USP9X: variants seen among roughly 807,000 people sequenced by gnomAD.
The protein encoded by USP9X is ubiquitin specific peptidase 9 X-linked.
USP9X carries 7 observed loss-of-function variants against 190.3 expected under a neutral mutation model. That is an observed-to-expected ratio of 0.04 (90% confidence interval 0.02 to 0.07). The LOEUF is 0.07. USP9X is among the 10% of genes least tolerant of loss of function. USP9X has a pLI of 1.00. For synonymous variants in USP9X, 645 were observed against 659.5 expected (o/e 0.98, Z 0.34); for missense variants, 1,010 against 1,916.9 (o/e 0.53, Z 8.83).
At chrX:41,178,506 T>C (rs1419683888) in intron 21 of USP9X, among the ~76,000 whole-genome samples, 1 of 111,660 alleles carries the variant, frequency 9.0e-6, no homozygotes, top group Non-Finnish European at 1.9e-5. Context: ...TTCATGTACA[T>C]GTTGGCCATT....
rs912565063 is a variant in USP9X at position 41,116,678 on chromosome X, G to A, written c.-158-6793G>A. Among the ~76,000 whole-genome samples, 6 of 112,310 alleles carry A rather than the reference G, an allele frequency of 5.3e-5. No individual in the cohort carries two copies. The East Asian group carries it at 1.7e-3, about 31-fold the overall frequency. On this transcript the variant is annotated intron_variant, in intron 1 of 44. Coordinates refer to ENST00000378308, the MANE Select transcript of USP9X (RefSeq NM_001039591.3). ...CTGAAATATTTAGGAACTCTGCACAGTACATTGTAGAAAGGGAAAAGAAAA... is the reference window on the plus strand; with the variant it reads ...CTGAAATATTTAGGAACTCTGCACAATACATTGTAGAAAGGGAAAAGAAAA...
rs752308135 is a variant in USP9X, at chrX:41,123,670, C to T, written c.42C>T (p.Asp14=). The T allele has an allele frequency of 4.9e-5, 59 of 1,210,128 alleles. No individual in the cohort carries two copies. Among genetic ancestry groups the T allele is most frequent in the Non-Finnish European group, 6.1e-5 (55 of 895,236 alleles). The part of the protein sequence containing the change: ...TTRGSPVGGN[D]NQGQAPDGQS... ...GTGGCTCTCCGGTCGGAGGGAATGA[C>T]AACCAGGGCCAGGCTCCTGATGGAC... Residue 14 remains aspartate (D), a synonymous_variant, in exon 2 of 45, where the codon GAC becomes GAT. Transcript: ENST00000378308.
rs2063390518 is a variant in USP9X, at chrX:41,234,979, A to G, written c.*2455A>G. 1 of 112,455 alleles carries G rather than the reference A, an allele frequency of 8.9e-6. No homozygotes were observed. 9.3% of individuals were successfully genotyped at this position (112,455 alleles called of 1,213,427 possible). ...CATCTCACCATCTGAGAGGAGATTT[A>G]TATATTTCCTGCTGCTCCTTAACAA... On this transcript the variant is annotated 3_prime_UTR_variant, in exon 45 of 45. Transcript: ENST00000378308.
At chrX:41,228,116 C>T (rs1054209296) in intron 41 of USP9X, among the ~76,000 whole-genome samples, 1 of 112,082 alleles carries the variant, frequency 8.9e-6, no homozygotes, top group Admixed American at 9.5e-5. Context: ...GGATTTGCCT[C>T]TTCCAGACAT....
chrX:41,135,651 G>C (rs1350586839), intron 5 of USP9X, among the ~76,000 whole-genome samples: 2 of 111,847 alleles, frequency 1.8e-5, no homozygotes, highest in African/African-American at 3.3e-5. Flanking sequence ...CCCCCCGCAA[G>C]ACGGAGTCTC....
rs770162524 is a variant in USP9X at position 41,161,427 on chromosome X, C to T, written c.1898-1363C>T. On this transcript the variant is annotated intron_variant, in intron 14 of 44. Transcript: ENST00000378308. ...CAATCTTGGCTCACTGCAACGTCCA[C>T]CTCCCGAGTTCAAGCAATTCTCTTG... 5.2e-5 allele frequency among the ~76,000 whole-genome samples: 5 copies of T among 96,981 alleles called. No homozygotes were observed. The East Asian group carries it at 1.7e-3, about 32-fold the overall frequency. 84.2% of individuals were successfully genotyped at this position (96,981 alleles called of 115,157 possible). A position where few individuals can be genotyped will look rare whatever the true frequency, so the allele number is the denominator to read the frequency against.
intron 14 of USP9X, among the ~76,000 whole-genome samples, chrX:41,160,349 C>T (rs1445352428): frequency 2.7e-5 from 3 of 109,440 alleles, no homozygotes; most frequent in Non-Finnish European, 5.7e-5. Flanking sequence ...TTTGTCTTGA[C>T]AGCTTGGAAG....
At chrX:41,140,521 A>G (rs759109320) in intron 6 of USP9X, 135 bp from the exon 7 acceptor site, 6 of 454,106 alleles carry the variant, frequency 1.3e-5, no homozygotes, top group Non-Finnish European at 2.2e-5. Flanking sequence ...AACAAAATGC[A>G]ATGTTTTGTG....
intron 22 of USP9X, 66 bp from the exon 23 acceptor site, chrX:41,184,331 A>C: frequency 1.8e-6 from 2 of 1,122,934 alleles, no homozygotes; most frequent in Admixed American, 5.6e-5. Context: ...CAATAGTACA[A>C]ATAGAAGTTA....
In USP9X at chrX:41,217,088, G is replaced by A. The variant is rs914013194; in HGVS notation, c.6086-132G>A. On this transcript the variant is annotated intron_variant, in intron 35 of 44. Coordinates refer to ENST00000378308, the MANE Select transcript of USP9X (RefSeq NM_001039591.3). ...AAAAATAAAATAAAAAAATAAATGG[G>A]TCTAAATTAAAGTAGCCTGAGAAGG... The A allele has an allele frequency of 3.6e-4, 249 of 694,318 alleles. 1 individual carries two copies. The highest frequency in any genetic ancestry group is 4.7e-4 in the Non-Finnish European group (234 of 495,529). The allele number at this position is 694,318 out of a possible 1,213,427, so 57.2% of individuals were successfully genotyped here. A position where few individuals can be genotyped will look rare whatever the true frequency, so the allele number is the denominator to read the frequency against.
intron 44 of USP9X, among the ~76,000 whole-genome samples, chrX:41,232,022 C>T: frequency 9.0e-6 from 1 of 111,596 alleles, no homozygotes; most frequent in Non-Finnish European, 1.9e-5. Context: ...GTGGAAGAGT[C>T]AATAGATGCT....
chrX:41,155,435 A>G (rs930124151), intron 14 of USP9X, among the ~76,000 whole-genome samples: 38 of 111,744 alleles, frequency 3.4e-4, no homozygotes, highest in African/African-American at 1.2e-3. Context: ...TAGTCATTCT[A>G]CTGACTTCAA....
chrX:41,187,862 C>G, intron 24 of USP9X, 130 bp from the exon 25 acceptor site: 4 of 415,648 alleles, frequency 9.6e-6, no homozygotes, highest in Non-Finnish European at 1.4e-5. Flanking sequence ...ACAAAGGCAA[C>G]TTGGGAATTT....
chrX:41,159,915 A>C (rs2062614078), intron 14 of USP9X, among the ~76,000 whole-genome samples: 1 of 111,461 alleles, frequency 9.0e-6, no homozygotes, highest in Non-Finnish European at 1.9e-5. Context: ...TGGGGTGAGG[A>C]AAAATGTAGA....
chrX:41,134,578 C>T (rs762666665), intron 4 of USP9X, 147 bp from the exon 5 acceptor site: 436 of 425,888 alleles, frequency 1.0e-3, no homozygotes, highest in Non-Finnish European at 1.5e-3. Context: ...GTTAATATTA[C>T]TCGGTTAATC....
intron 33 of USP9X, among the ~76,000 whole-genome samples, chrX:41,212,597 A>G (rs555704977): frequency 9.8e-5 from 11 of 112,102 alleles, no homozygotes; most frequent in African/African-American, 3.6e-4. Flanking sequence ...TTACTGATAA[A>G]TATACATGCC....
chrX:41,193,941 T>G (rs2062959839), intron 26 of USP9X, among the ~76,000 whole-genome samples: 1 of 112,235 alleles, frequency 8.9e-6, no homozygotes, highest in African/African-American at 3.2e-5. Flanking sequence ...TATCGGGTAT[T>G]CACGAGCATC....
At chrX:41,161,116 A>G (rs1327856489) in intron 14 of USP9X, among the ~76,000 whole-genome samples, 2 of 110,809 alleles carry the variant, frequency 1.8e-5, no homozygotes, top group Non-Finnish European at 3.8e-5. Context: ...AGATGATGGT[A>G]GTATTTTACT....
At position 41,144,545 on chromosome X, in the gene USP9X, G is replaced by A; in HGVS notation, c.1338G>A (p.Val446=). ...AGGCAGGGAAACATGAAGCCATTGT[G>A]AAGAATGTACATGATCTCCTGGCAA... ...AAQAGKHEAI[V]KNVHDLLAKL... The change falls in exon 11 of 45, where the codon GTG becomes GTA. Residue 446 remains valine, a synonymous_variant. Transcript: ENST00000378308. 1.7e-6 allele frequency: 2 copies of A among 1,210,217 alleles called. No homozygotes were observed. Among genetic ancestry groups the A allele is most frequent in the Non-Finnish European group, 2.2e-6 (2 of 894,612 alleles).
Sources: gnomAD v4.1 joint callset for allele counts (sites outside exome capture counted in the v4.1 genomes callset) on GRCh38, gnomAD v4.1.1 for gene constraint, MANE v1.5 for transcripts, NCBI Gene and HGNC (gene_info 2026-07-23, HGNC 2026-07-21) for gene names.